Variants in GTPBP3 observed in about 807,000 individuals in gnomAD.
GTPBP3 encodes the protein GTP binding protein 3, mitochondrial.
GTPBP3 carries 35 observed loss-of-function variants against 42.0 expected under a neutral mutation model. The observed-to-expected ratio is 0.83, with a 90% CI of 0.64 to 1.10. The LOEUF (loss-of-function observed/expected upper bound fraction) is 1.10, where lower values mean the gene tolerates loss of function less well. Ranked by LOEUF, GTPBP3 falls within the 50% of genes least tolerant of loss-of-function variation. The pLI, the probability that GTPBP3 is intolerant of heterozygous loss-of-function variation, is 0.00. For missense variants in GTPBP3, 691 were observed against 685.2 expected (o/e 1.01, Z -0.09); for synonymous variants, 332 against 314.9 (o/e 1.05, Z -0.58).
intron 7 of GTPBP3, among the ~76,000 whole-genome samples, chr19:17,340,564 C>T (rs898581151): frequency 6.6e-6 from 1 of 151,822 alleles, no homozygotes; most frequent in African/African-American, 2.4e-5. Context: ...GTGTCTGGTC[C>T]TTCTTGCTCT....
At chr19:17,335,001 C>G (rs748447873), upstream of GTPBP3, 1 of 1,535,920 alleles carries the variant, frequency 6.5e-7, no homozygotes, top group Non-Finnish European at 8.7e-7. Flanking sequence ...CCCGCCCGCA[C>G]TGATGGTGCA....
chr19:17,340,999 A>G lies in GTPBP3; in HGVS notation c.975-45A>G, dbSNP rs144317680. On this transcript the variant is annotated intron_variant, in intron 7 of 8. Transcript: ENST00000324894. Reference sequence around the variant, plus strand: ...ACTGTCCCTCCACCCAGTGCCTTCAATTGCTCAACCTGGGATCCCCGCTCA... The same window carrying G: ...ACTGTCCCTCCACCCAGTGCCTTCAGTTGCTCAACCTGGGATCCCCGCTCA... 945 of 1,587,436 alleles carry G rather than the reference A, an allele frequency of 6.0e-4. 5 individuals carry two copies. The African/African-American group carries it at 8.7e-3, about 15-fold the overall frequency.
intron 7 of GTPBP3, 134 bp downstream of exon 7, chr19:17,339,733 TG>T: frequency 1.1e-6 from 1 of 898,940 alleles, no homozygotes. Flanking sequence ...CTCAGGGATT[TG>T]GTTCTTTTTT....
chr19:17,339,603 G>A lies in GTPBP3; in HGVS notation c.974+4G>A. 1 of 1,597,864 alleles carries A rather than the reference G, an allele frequency of 6.3e-7. No individual in the cohort carries two copies. The highest frequency in any genetic ancestry group is 8.5e-7 in the Non-Finnish European group (1 of 1,175,918). ...GCGTGCGGCGCGCCCGGGAGAGGTG[G>A]GCGGACAGGGTGGTGATGGGAGGGG... On this transcript the variant is annotated splice_donor_region_variant and intron_variant, in intron 7 of 8. Coordinates refer to ENST00000324894, the MANE Select transcript of GTPBP3 (RefSeq NM_032620.4).
At position 17,338,158 on chromosome 19, in the gene GTPBP3, C is replaced by T. The variant is rs769056099; in HGVS notation, c.204C>T (p.Pro68=). 6.3e-7 allele frequency: 1 copy of T among 1,594,354 alleles called. No homozygotes were observed. The highest frequency in any genetic ancestry group is 2.2e-5 in the East Asian group (1 of 44,586). ...SGHALRILTA[P]RDLPLARHAS... ...ACGCCCTCCGAATTCTCACAGCACC[C>T]CGAGACCTGCCCCTTGCTCGCCACG... The change falls in exon 2 of 9, where the codon CCC becomes CCT. Residue 68 remains proline, a synonymous_variant. Transcript: ENST00000324894.
intron 7 of GTPBP3, 148 bp downstream of exon 7, chr19:17,339,747 T>C: frequency 1.2e-6 from 1 of 864,460 alleles, no homozygotes; most frequent in Non-Finnish European, 1.7e-6. Context: ...TCTTTTTTTT[T>C]TTTTTTTTTT....
At chr19:17,337,498 T>A, upstream of GTPBP3, 1 of 1,262,512 alleles carries the variant, frequency 7.9e-7, no homozygotes, top group Non-Finnish European at 1.0e-6. Flanking sequence ...TACCCAATGG[T>A]GGTCGAGAAT....
chr19:17,339,914 T>G lies in GTPBP3; in HGVS notation c.974+315T>G, dbSNP rs1254014234. Among the ~76,000 whole-genome samples the G allele has an allele frequency of 1.3e-3, 32 of 23,922 alleles. No homozygotes were observed. In the African/African-American group the frequency reaches 0.016, roughly 12 times the overall value. The allele number at this position is 23,922 out of a possible 152,430, so 15.7% of individuals were successfully genotyped here. A position where few individuals can be genotyped will look rare whatever the true frequency, so the allele number is the denominator to read the frequency against. On this transcript the variant is annotated intron_variant, in intron 7 of 8. Coordinates refer to ENST00000324894, the MANE Select transcript of GTPBP3 (RefSeq NM_032620.4). ...GGCGGGAGCGACCACGCCGAACTAT[T>G]TTTTTTTTTTTTTTGTATTTTTAGT...
At position 17,341,462 on chromosome 19, in the gene GTPBP3, C is replaced by A. The variant is rs2145706873; in HGVS notation, c.1254-16C>A. On this transcript the variant is annotated splice_polypyrimidine_tract_variant and intron_variant, in intron 8 of 8. Coordinates refer to ENST00000324894, the MANE Select transcript of GTPBP3 (RefSeq NM_032620.4). ...TGTAAAAGGTCGGGAGAGACCATGT[C>A]TCTTGTCTCTTCCAGGTGTGGGGAC... is the stretch of plus-strand genomic sequence containing the variant. 1 of 1,601,256 alleles carries A rather than the reference C, an allele frequency of 6.2e-7. No homozygotes were observed. The highest frequency in any genetic ancestry group is 1.3e-5 in the African/African-American group (1 of 74,768).
rs1436752892 is a variant in GTPBP3 at position 17,337,683 on chromosome 19, G to C, written c.53+19G>C. On this transcript the variant is annotated intron_variant, in intron 1 of 8. Coordinates refer to ENST00000324894, the MANE Select transcript of GTPBP3 (RefSeq NM_032620.4). ...CTCGCAGGTGGGGCTACAGGGGAAG[G>C]GGTGCGACAGCTTGGGGTGCTGCTT... 1 of 1,364,754 alleles carries C rather than the reference G, an allele frequency of 7.3e-7. No individual in the cohort carries two copies. The highest frequency in any genetic ancestry group is 1.5e-5 in the African/African-American group (1 of 65,218). The allele number at this position is 1,364,754 out of a possible 1,614,324, so 84.5% of individuals were successfully genotyped here.
upstream of GTPBP3, among the ~76,000 whole-genome samples, chr19:17,335,957 G>A (rs1010723904): frequency 2.1e-4 from 32 of 151,904 alleles, no homozygotes; most frequent in African/African-American, 7.3e-4. Flanking sequence ...AGCCTCGGCC[G>A]GGCGCAGTGG....
In GTPBP3 at chr19:17,337,683, G is replaced by A; in HGVS notation, c.53+19G>A. The A allele has an allele frequency of 7.3e-7, 1 of 1,364,872 alleles. No individual in the cohort carries two copies. The highest frequency in any genetic ancestry group is 9.5e-7 in the Non-Finnish European group (1 of 1,056,068). 84.5% of individuals were successfully genotyped at this position (1,364,872 alleles called of 1,614,324 possible). A position where few individuals can be genotyped will look rare whatever the true frequency, so the allele number is the denominator to read the frequency against. ...CTCGCAGGTGGGGCTACAGGGGAAG[G>A]GGTGCGACAGCTTGGGGTGCTGCTT... On this transcript the variant is annotated intron_variant, in intron 1 of 8. Coordinates refer to ENST00000324894, the MANE Select transcript of GTPBP3 (RefSeq NM_032620.4).
chr19:17,338,070 T>A lies in GTPBP3; in HGVS notation c.116T>A (p.Leu39Gln), dbSNP rs1234001904. 3 of 1,597,932 alleles carry A rather than the reference T, an allele frequency of 1.9e-6. No homozygotes were observed. The East Asian group carries it at 6.7e-5, about 36-fold the overall frequency. ...APGSGATIFA[L>Q]SSGQGRCGIA... ...GGCTCCGGCGCCACCATCTTCGCGC[T>A]AAGCTCTGGCCAAGGCCGCTGCGGC... Residue 39 changes from leucine to glutamine, a missense_variant, in exon 2 of 9, where the codon CTA becomes CAA. Coordinates refer to ENST00000324894, the MANE Select transcript of GTPBP3 (RefSeq NM_032620.4).
upstream of GTPBP3, chr19:17,335,138 G>A (rs2074355912): frequency 6.5e-7 from 1 of 1,535,690 alleles, no homozygotes. Flanking sequence ...TTGACTAAGG[G>A]AGGACGTGGG....
chr19:17,341,349 C>G (rs1483972131), intron 8 of GTPBP3, 27 bp downstream of exon 8: 10 of 1,569,238 alleles, frequency 6.4e-6, no homozygotes, highest in African/African-American at 2.7e-5. Flanking sequence ...TCCCAGCCTC[C>G]CCTGACCCAC....
chr19:17,337,972 C>T (rs2074383442), intron 1 of GTPBP3, 36 bp from the exon 2 acceptor site: 1 of 1,592,062 alleles, frequency 6.3e-7, no homozygotes, highest in Non-Finnish European at 8.5e-7. Context: ...GGCTGAGCCT[C>T]CCAGGTGCGC....
chr19:17,338,564 G>A lies in GTPBP3; in HGVS notation c.414G>A (p.Ala138=), dbSNP rs780563817. The change falls in exon 4 of 9, where the codon GCG becomes GCA. Residue 138 remains alanine, a synonymous_variant. Coordinates refer to ENST00000324894, the MANE Select transcript of GTPBP3 (RefSeq NM_032620.4). ...GCAGCGTGCCAGGGCTTCGACCGGC[G>A]GAGGCAGGCGAGTTCACCAGACGGG... The part of the protein sequence containing the change: ...ALGSVPGLRP[A]EAGEFTRRAF... 3.1e-6 allele frequency: 5 copies of A among 1,613,938 alleles called. No individual in the cohort carries two copies. Among genetic ancestry groups the A allele is most frequent in the East Asian group, 4.5e-5 (2 of 44,872 alleles).
chr19:17,337,200 A>G, upstream of GTPBP3: 1 of 171,860 alleles, frequency 5.8e-6, no homozygotes, highest in Non-Finnish European at 1.2e-5. Context: ...GAACGCACAT[A>G]GGTCCTTGCC....
chr19:17,341,443 AG>A, intron 8 of GTPBP3, 34 bp from the exon 9 acceptor site: 1 of 1,580,982 alleles, frequency 6.3e-7, no homozygotes, highest in Non-Finnish European at 8.6e-7. Context: ...TGGTTGTAAA[AG>A]GTCGGGAGAG....
Sources: allele counts gnomAD v4.1 joint callset (sites outside exome capture counted in the v4.1 genomes callset), GRCh38; gene constraint gnomAD v4.1.1; transcripts MANE v1.5; gene names NCBI Gene and HGNC (gene_info 2026-07-23, HGNC 2026-07-21).